ITGB8: variants seen among roughly 807,000 people sequenced by gnomAD.
ITGB8 encodes the protein integrin subunit beta 8, also known as integrin beta-8.
A neutral mutation model predicts 89.5 loss-of-function variants in ITGB8; 30 were observed. That is an observed-to-expected ratio of 0.34 (90% CI 0.25 to 0.45). The LOEUF (loss-of-function observed/expected upper bound fraction) is 0.45, where lower values mean the gene tolerates loss of function less well. ITGB8 is among the 20% of genes least tolerant of loss of function. ITGB8 has a pLI of 1.00. For missense variants in ITGB8, 836 were observed against 933.3 expected, an observed-to-expected ratio of 0.90 and a Z score of 1.36; for synonymous variants, 335 against 320.4, an observed-to-expected ratio of 1.05 and a Z score of -0.49.
rs1784403525 is a variant in ITGB8 at position 20,331,742 on chromosome 7, G to A, written c.-65G>A. ...GGCCCGCGGGCCCCGAGGTGCGCCC[G>A]GGAGGCGCGAGCCCGCGTCCGGAAG... On this transcript the variant is annotated 5_prime_UTR_variant, in exon 1 of 14. Transcript: ENST00000222573. 4.6e-6 allele frequency: 7 copies of A among 1,533,902 alleles called. No homozygotes were observed. The highest frequency in any genetic ancestry group is 6.1e-6 in the Non-Finnish European group (7 of 1,139,598).
chr7:20,410,208 T>G lies in ITGB8; in HGVS notation c.*211T>G. 1 of 543,726 alleles carries G rather than the reference T, an allele frequency of 1.8e-6. No homozygotes were observed. The highest frequency in any genetic ancestry group is 3.2e-5 in the East Asian group (1 of 30,798). The allele number at this position is 543,726 out of a possible 1,614,324, so 33.7% of individuals were successfully genotyped here. ...AGAGAAAAATGTGTCTTACTACTGTTTGAGACTAGTGTCGTTGTAGCACTT... is the reference window on the plus strand; with the variant it reads ...AGAGAAAAATGTGTCTTACTACTGTGTGAGACTAGTGTCGTTGTAGCACTT... On this transcript the variant is annotated 3_prime_UTR_variant, in exon 14 of 14. Transcript: ENST00000222573.
chr7:20,381,748 G>A lies in ITGB8; in HGVS notation c.823G>A (p.Glu275Lys), dbSNP rs771531947. The part of the protein sequence containing the change: ...VCESHIGWRK[E>K]AKRLLLVMTD... ...TAAGAGTCATATCGGATGGCGAAAAGAGGCTAAAAGATTGCTGCTGGTGAT... is the reference window on the plus strand; with the variant it reads ...TAAGAGTCATATCGGATGGCGAAAAAAGGCTAAAAGATTGCTGCTGGTGAT... The change falls in exon 6 of 14, where the codon GAG becomes AAG. Residue 275 changes from glutamate to lysine, a missense_variant. By Grantham distance (56) the Glu-to-Lys change is moderately conservative. Around this residue, in one of 5 missense-constraint regions of ITGB8, gnomAD observed 192 missense variants for 267.1 expected, o/e 0.72. Coordinates refer to ENST00000222573, the MANE Select transcript of ITGB8 (RefSeq NM_002214.3). 1 of 1,608,592 alleles carries A rather than the reference G, an allele frequency of 6.2e-7. No homozygotes were observed. Among genetic ancestry groups the A allele is most frequent in the South Asian group, 1.1e-5 (1 of 89,586 alleles).
intron 6 of ITGB8, among the ~76,000 whole-genome samples, chr7:20,384,730 C>G (rs1456651380): frequency 1.3e-5 from 2 of 152,152 alleles, no homozygotes; most frequent in African/African-American, 4.8e-5. Context: ...AAATAATGTT[C>G]TTGTTGTCAT....
chr7:20,330,117 C>G (rs1034361659), upstream of ITGB8, among the ~76,000 whole-genome samples: 2 of 152,156 alleles, frequency 1.3e-5, no homozygotes, highest in Non-Finnish European at 2.9e-5. Context: ...CACCACCAGA[C>G]GCTGGGGAAA....
intron 11 of ITGB8, among the ~76,000 whole-genome samples, chr7:20,405,588 GA>G (rs923987913): frequency 7.2e-5 from 11 of 151,802 alleles, no homozygotes; most frequent in Non-Finnish European, 1.5e-4. Context: ...AAAGTGCTGG[GA>G]TTACAGGCGT....
At chr7:20,350,425 G>A (rs1785076984) in intron 1 of ITGB8, among the ~76,000 whole-genome samples, 3 of 152,198 alleles carry the variant, frequency 2.0e-5, no homozygotes, top group Admixed American at 2.0e-4. Context: ...TGGGATTACA[G>A]GCATGAGCCA....
intron 1 of ITGB8, among the ~76,000 whole-genome samples, chr7:20,338,944 A>C (rs980106932): frequency 2.0e-5 from 3 of 152,150 alleles, no homozygotes; most frequent in African/African-American, 7.2e-5. Context: ...CTGTAATCCC[A>C]GCACTTTTGG....
intron 1 of ITGB8, chr7:20,352,729 T>G (rs1785153179): frequency 6.6e-6 from 1 of 152,234 alleles, no homozygotes; most frequent in Admixed American, 6.5e-5. Context: ...TTTATTGTTT[T>G]GATTTCTCAT....
chr7:20,374,728 C>G (rs1000783423), intron 3 of ITGB8, among the ~76,000 whole-genome samples: 8 of 152,076 alleles, frequency 5.3e-5, no homozygotes, highest in African/African-American at 1.9e-4. Flanking sequence ...CATTTGTAGG[C>G]TGTATATGGG....
intron 1 of ITGB8, chr7:20,346,697 T>C: frequency 1.0e-6 from 1 of 985,312 alleles, no homozygotes; most frequent in Non-Finnish European, 1.2e-6. Context: ...TCTCTGGGTG[T>C]CTTAAGACAC....
intron 4 of ITGB8, chr7:20,379,938 A>G (rs768386506): frequency 2.6e-5 from 4 of 152,242 alleles, no homozygotes; most frequent in Non-Finnish European, 4.4e-5. Context: ...CAATATTGCC[A>G]TTAGCCTGTG....
chr7:20,412,465 C>A lies in ITGB8; in HGVS notation c.*2468C>A, dbSNP rs1787796727. On this transcript the variant is annotated 3_prime_UTR_variant, in exon 14 of 14. Transcript: ENST00000222573. ...AAATGAACATTATGATATTTATGAA[C>A]AATAAACAAATTTCCGTATGGAATG... 1 of 150,416 alleles carries A rather than the reference C, an allele frequency of 6.6e-6. No individual in the cohort carries two copies. The highest frequency in any genetic ancestry group is 2.5e-5 in the African/African-American group (1 of 39,464). 9.3% of individuals were successfully genotyped at this position (150,416 alleles called of 1,614,324 possible). A position where few individuals can be genotyped will look rare whatever the true frequency, so the allele number is the denominator to read the frequency against.
chr7:20,346,415 G>T (rs566021307), intron 1 of ITGB8, among the ~76,000 whole-genome samples: 1 of 152,186 alleles, frequency 6.6e-6, no homozygotes, highest in Non-Finnish European at 1.5e-5. Flanking sequence ...GCCTTCTAGG[G>T]ATTAGAATGT....
chr7:20,372,835 A>G (rs574565759), intron 3 of ITGB8, among the ~76,000 whole-genome samples: 1 of 152,296 alleles, frequency 6.6e-6, no homozygotes, highest in South Asian at 2.1e-4. Flanking sequence ...TATAACCCCC[A>G]TATATAGCAA....
Position 20,409,722 on chromosome 7 carries a change from T to A in ITGB8, c.2131T>A (p.Trp711Arg). ...GATCATTAGACAGGTGATACTACAATGGAATAGTAATAAAATTAAGTCCTC... is the reference window on the plus strand; with the variant it reads ...GATCATTAGACAGGTGATACTACAAAGGAATAGTAATAAAATTAAGTCCTC... ...VLIIRQVILQ[W>R]NSNKIKSSSD... The change falls in exon 13 of 14, where the codon TGG (tryptophan) becomes AGG (arginine). Residue 711 changes from tryptophan to arginine, a missense_variant. Coordinates refer to ENST00000222573, the MANE Select transcript of ITGB8 (RefSeq NM_002214.3). 6.2e-7 allele frequency: 1 copy of A among 1,611,850 alleles called. No homozygotes were observed. The highest frequency in any genetic ancestry group is 8.5e-7 in the Non-Finnish European group (1 of 1,178,430).
intron 12 of ITGB8, among the ~76,000 whole-genome samples, chr7:20,408,688 A>T (rs1044782209): frequency 1.3e-5 from 2 of 152,124 alleles, no homozygotes; most frequent in African/African-American, 2.4e-5. Flanking sequence ...AGTTCCATGG[A>T]CTACTTGCCT....
Position 20,377,554 on chromosome 7 carries a change from A to G in ITGB8, c.389-1497A>G, listed in dbSNP as rs1183408445. Among the ~76,000 whole-genome samples the G allele has an allele frequency of 2.0e-5, 3 of 152,340 alleles. No homozygotes were observed. The East Asian group carries it at 5.8e-4, about 29-fold the overall frequency. On this transcript the variant is annotated intron_variant, in intron 3 of 13. Transcript: ENST00000222573. The stretch of plus-strand genomic sequence containing the variant: ...CCCTGAATTTAATTTCTCCACTCAA[A>G]TTGCAGAACACTGCCACAGGAACAG...
At chr7:20,385,775 CT>C (rs1312986636) in intron 6 of ITGB8, among the ~76,000 whole-genome samples, 1 of 150,132 alleles carries the variant, frequency 6.7e-6, no homozygotes, top group African/African-American at 2.4e-5. Flanking sequence ...TAAGAAGCTA[CT>C]TTGCTAATGT....
At position 20,411,487 on chromosome 7, in the gene ITGB8, G is replaced by C. The variant is rs1041202141; in HGVS notation, c.*1490G>C. 6.6e-6 allele frequency: 1 copy of C among 152,520 alleles called. No individual in the cohort carries two copies. The highest frequency in any genetic ancestry group is 2.4e-5 in the African/African-American group (1 of 41,414). 9.4% of individuals were successfully genotyped at this position (152,520 alleles called of 1,614,324 possible). A position where few individuals can be genotyped will look rare whatever the true frequency, so the allele number is the denominator to read the frequency against. ...CTCCTTTTTAGTGAGTTAGGGAACT[G>C]AGCCTCAGAAAACTTAAACGATTTC... On this transcript the variant is annotated 3_prime_UTR_variant, in exon 14 of 14. Coordinates refer to ENST00000222573, the MANE Select transcript of ITGB8 (RefSeq NM_002214.3).
Sources: gnomAD v4.1 joint callset for allele counts (sites outside exome capture counted in the v4.1 genomes callset) on GRCh38, gnomAD v4.1.1 for gene constraint, gnomAD v4.1.1 regional missense constraint, MANE v1.5 for transcripts, NCBI Gene and HGNC (gene_info 2026-07-23, HGNC 2026-07-21) for gene names.